Variants in FEZ2 observed in about 807,000 individuals in gnomAD.
FEZ2 encodes the protein fasciculation and elongation protein zeta 2.
Under a neutral mutation model 40.4 loss-of-function variants are expected in FEZ2, and 51 were observed. The ratio of observed to expected loss-of-function variants is 1.26; its 90% CI spans 1.01 to 1.59. The LOEUF (loss-of-function observed/expected upper bound fraction) is 1.59. Among genes scored for constraint, FEZ2 ranks in the 40% most tolerant of loss-of-function variants. FEZ2 has a pLI of 0.00. For synonymous variants in FEZ2, 242 were observed against 172.0 expected (o/e 1.41, Z -3.18); for missense variants, 640 against 438.3 (o/e 1.46, Z -4.11).
At chr2:36,572,065 A>T (rs1267827160) in intron 5 of FEZ2, among the ~76,000 whole-genome samples, 1 of 150,606 alleles carries the variant, frequency 6.6e-6, no homozygotes, top group Admixed American at 6.6e-5. Flanking sequence ...AAAAAAACTC[A>T]TGCCTTTTCC....
rs1667834352 is a variant in FEZ2, at chr2:36,552,341, G to A, written c.*822C>T. The A allele has an allele frequency of 3.4e-5, 13 of 386,230 alleles. No individual in the cohort carries two copies. The highest frequency in any genetic ancestry group is 2.6e-4 in the South Asian group (13 of 49,598). The allele number at this position is 386,230 out of a possible 1,614,324, so 23.9% of individuals were successfully genotyped here. On this transcript the variant is annotated 3_prime_UTR_variant, in exon 8 of 8. Coordinates refer to ENST00000405912, the MANE Select transcript of FEZ2 (RefSeq NM_005102.3). Reference sequence around the variant, plus strand: ...GCTCATGATATTGATGAATCCATAAGTAGCTGTATCTAGAATTCATACTTA... The same window carrying A: ...GCTCATGATATTGATGAATCCATAAATAGCTGTATCTAGAATTCATACTTA...
chr2:36,595,869 T>C (rs1336300167), intron 1 of FEZ2, among the ~76,000 whole-genome samples: 2 of 152,200 alleles, frequency 1.3e-5, no homozygotes, highest in Non-Finnish European at 2.9e-5. Context: ...ACAAAATATT[T>C]TTAAGCAAAG....
At chr2:36,557,050 AG>A (rs1194014670) in intron 6 of FEZ2, 2 of 152,250 alleles carry the variant, frequency 1.3e-5, no homozygotes, top group African/African-American at 4.8e-5. Flanking sequence ...GAGGCCTGCC[AG>A]TAATTCCTGG....
intron 1 of FEZ2, among the ~76,000 whole-genome samples, chr2:36,597,004 T>TCC (rs1399723499): frequency 6.6e-6 from 1 of 152,138 alleles, no homozygotes; most frequent in Non-Finnish European, 1.5e-5. Flanking sequence ...CCCGTGAACC[T>TCC]CCTATCATTG....
intron 1 of FEZ2, among the ~76,000 whole-genome samples, chr2:36,595,098 C>A (rs1164102745): frequency 6.6e-6 from 1 of 152,150 alleles, no homozygotes; most frequent in Non-Finnish European, 1.5e-5. Flanking sequence ...GCAGAATACT[C>A]TTATAAGTAA....
intron 1 of FEZ2, among the ~76,000 whole-genome samples, chr2:36,595,592 T>C (rs1355599135): frequency 6.6e-6 from 1 of 152,162 alleles, no homozygotes; most frequent in East Asian, 1.9e-4. Flanking sequence ...CCAGTTCCAG[T>C]ACCGGTCTGT....
intron 5 of FEZ2, among the ~76,000 whole-genome samples, chr2:36,566,304 C>T (rs1477633560): frequency 1.3e-5 from 2 of 149,284 alleles, no homozygotes; most frequent in Admixed American, 6.7e-5. Flanking sequence ...CGCGCCACTG[C>T]ACTCCACCCT....
chr2:36,561,862 G>A (rs1272905714), intron 5 of FEZ2, among the ~76,000 whole-genome samples: 1 of 152,208 alleles, frequency 6.6e-6, no homozygotes, highest in Non-Finnish European at 1.5e-5. Context: ...GCAGAAGAAA[G>A]GAAACCAAGG....
At chr2:36,582,075 A>G (rs936740996) in intron 3 of FEZ2, among the ~76,000 whole-genome samples, 1 of 152,192 alleles carries the variant, frequency 6.6e-6, no homozygotes, top group African/African-American at 2.4e-5. Context: ...ACTTTAAACA[A>G]TGATCTACTG....
intron 2 of FEZ2, chr2:36,590,566 T>G: frequency 5.5e-6 from 1 of 181,238 alleles, no homozygotes; most frequent in Non-Finnish European, 1.1e-5. Flanking sequence ...TACTCGGGAG[T>G]TTGAGGTGGG....
chr2:36,558,294 C>T, intron 6 of FEZ2, 144 bp downstream of exon 6: 1 of 463,018 alleles, frequency 2.2e-6, no homozygotes, highest in African/African-American at 2.0e-5. Context: ...TTTTTGGCTT[C>T]ATTCTTATAA....
rs1669296085 is a variant in FEZ2, at chr2:36,598,077, G to C, written c.66C>G (p.Asp22Glu). The change falls in exon 1 of 8, where the codon GAC (aspartate) becomes GAG (glutamate). Residue 22 changes from aspartate to glutamate, a missense_variant. Asp to Glu is a conservative substitution (Grantham distance 45). Transcript: ENST00000405912. ...EFQEPARSLL[D>E]QENCNASPEP... ...CGGGGCTCGCGTTACAGTTCTCCTGGTCCAGGAGGCTCCGGGCCGGCTCCT... is the reference window on the plus strand; with the variant it reads ...CGGGGCTCGCGTTACAGTTCTCCTGCTCCAGGAGGCTCCGGGCCGGCTCCT... 6.7e-7 allele frequency: 1 copy of C among 1,498,486 alleles called. No homozygotes were observed. The highest frequency in any genetic ancestry group is 1.5e-5 in the African/African-American group (1 of 68,214). 92.8% of individuals were successfully genotyped at this position (1,498,486 alleles called of 1,614,324 possible).
chr2:36,597,797 G>T, intron 1 of FEZ2, 80 bp downstream of exon 1: 1 of 1,017,014 alleles, frequency 9.8e-7, no homozygotes, highest in Non-Finnish European at 1.2e-6. Flanking sequence ...GCGCAGGGAG[G>T]AGCTGCGGCC....
intron 4 of FEZ2, among the ~76,000 whole-genome samples, chr2:36,580,505 T>C (rs879306391): frequency 5.9e-5 from 9 of 152,244 alleles, no homozygotes; most frequent in Non-Finnish European, 1.0e-4. Flanking sequence ...GTTCACAGGC[T>C]GGTTATATTT....
chr2:36,568,255 GTACCAAAGACA>G (rs1668304779), intron 5 of FEZ2, among the ~76,000 whole-genome samples: 3 of 152,150 alleles, frequency 2.0e-5, no homozygotes, highest in Non-Finnish European at 4.4e-5. Context: ...CAAGGTTAAA[GTACCAAAGACA>G]TACCAAAGCG....
intron 1 of FEZ2, among the ~76,000 whole-genome samples, chr2:36,593,008 T>TTTGCTGGGTTTCTGTGGACTACTAAAC (rs1669113895): frequency 6.6e-6 from 1 of 152,086 alleles, no homozygotes; most frequent in African/African-American, 2.4e-5. Flanking sequence ...GACTACTAAA[T>TTTGCTGGGTTTCTGTGGACTACTAAAC]TTGCTGGGTT....
chr2:36,590,966 T>C lies in FEZ2; in HGVS notation c.312A>G (p.Val104=), dbSNP rs117617575. 3.8e-3 allele frequency: 6,121 copies of C among 1,612,892 alleles called. 12 individuals carry two copies. The highest frequency in any genetic ancestry group is 4.6e-3 in the Non-Finnish European group (5,377 of 1,178,822). The change falls in exon 2 of 8, where the codon GTA becomes GTG. Residue 104 remains valine, a synonymous_variant. Coordinates refer to ENST00000405912, the MANE Select transcript of FEZ2 (RefSeq NM_005102.3). ...LTDNYGNVMP[V]DWKSSHTRTL... is the part of the protein sequence containing the mutation. ...TCCTAGTATGCGATGACTTCCAGTC[T>C]ACAGGCATCACATTCCCATAATTAT... is the stretch of plus-strand genomic sequence containing the variant.
chr2:36,587,566 TTCAA>T (rs1573028601), intron 2 of FEZ2, among the ~76,000 whole-genome samples: 1 of 152,236 alleles, frequency 6.6e-6, no homozygotes, highest in Admixed American at 6.5e-5. Context: ...CATCTTAATC[TTCAA>T]TCAAAGAAAA....
At chr2:36,573,688 G>A (rs1458700681) in intron 5 of FEZ2, among the ~76,000 whole-genome samples, 1 of 152,120 alleles carries the variant, frequency 6.6e-6, no homozygotes, top group Non-Finnish European at 1.5e-5. Context: ...AACACAGTGT[G>A]GTACTTCAAT....
Sources: allele counts gnomAD v4.1 joint callset (sites outside exome capture counted in the v4.1 genomes callset), GRCh38; gene constraint gnomAD v4.1.1; transcripts MANE v1.5; gene names NCBI Gene and HGNC (gene_info 2026-07-23, HGNC 2026-07-21).